Variants in RYR2 observed in about 807,000 individuals in gnomAD.
The protein encoded by RYR2 is cardiac muscle ryanodine receptor-calcium release channel.
RYR2 carries 227 observed loss-of-function variants against 601.1 expected under a neutral mutation model. The ratio of observed to expected loss-of-function variants is 0.38; its 90% confidence interval spans 0.34 to 0.42. RYR2 has a LOEUF of 0.42. RYR2 is among the 10% of genes least tolerant of loss of function. The pLI, the probability that RYR2 is intolerant of heterozygous loss-of-function variation, is 1.00. For synonymous variants in RYR2, 2,223 were observed against 2,175.1 expected (o/e 1.02, Z -0.61); for missense variants, 4,646 against 6,156.5 (o/e 0.75, Z 8.21).
At chr1:237,564,415 A>T (rs1209907739) in intron 27 of RYR2, among the ~76,000 whole-genome samples, 1 of 152,038 alleles carries the variant, frequency 6.6e-6, no homozygotes. Context: ...GATTACAGGC[A>T]TATGCCACCA....
At chr1:237,170,232 G>T (rs1677202680) in intron 1 of RYR2, among the ~76,000 whole-genome samples, 1 of 152,194 alleles carries the variant, frequency 6.6e-6, no homozygotes, top group African/African-American at 2.4e-5. Context: ...GTGCCATTTG[G>T]TTTGAGTCAT....
intron 2 of RYR2, among the ~76,000 whole-genome samples, chr1:237,322,001 A>G (rs1695672617): frequency 6.6e-6 from 1 of 152,194 alleles, no homozygotes; most frequent in African/African-American, 2.4e-5. Flanking sequence ...CTCAAAGTGT[A>G]TGCTTTTATT....
intron 70 of RYR2, among the ~76,000 whole-genome samples, chr1:237,710,199 A>G (rs1688715574): frequency 6.6e-6 from 1 of 152,170 alleles, no homozygotes; most frequent in South Asian, 2.1e-4. Flanking sequence ...TATTTCAGTA[A>G]CTAGCAGAAT....
At position 237,781,656 on chromosome 1, in the gene RYR2, A is replaced by T. The variant is rs1060503854; in HGVS notation, c.11962+10A>T. ...CTGTCCATGTTAGAAGGTAGTTTTGATTTATACTTTTAAATTCTCTTTATT... is the reference window on the plus strand; with the variant it reads ...CTGTCCATGTTAGAAGGTAGTTTTGTTTTATACTTTTAAATTCTCTTTATT... On this transcript the variant is annotated intron_variant, in intron 89 of 104. Coordinates refer to ENST00000366574, the MANE Select transcript of RYR2 (RefSeq NM_001035.3). 7 of 1,449,438 alleles carry T rather than the reference A, an allele frequency of 4.8e-6. No homozygotes were observed. The highest frequency in any genetic ancestry group is 9.6e-7 in the Non-Finnish European group (1 of 1,045,024). 89.8% of individuals were successfully genotyped at this position (1,449,438 alleles called of 1,614,324 possible). A position where few individuals can be genotyped will look rare whatever the true frequency, so the allele number is the denominator to read the frequency against.
intron 1 of RYR2, among the ~76,000 whole-genome samples, chr1:237,173,260 T>G (rs2148914970): frequency 6.6e-6 from 1 of 152,250 alleles, no homozygotes; most frequent in South Asian, 2.1e-4. Flanking sequence ...CCAGTAGTTG[T>G]GTGTTTTCCT....
chr1:237,551,357 A>T (rs1670374375), intron 27 of RYR2, among the ~76,000 whole-genome samples: 1 of 151,864 alleles, frequency 6.6e-6, no homozygotes, highest in Non-Finnish European at 1.5e-5. Flanking sequence ...GTGAAACCCC[A>T]TTTCTACTAA....
In RYR2 at chr1:237,535,277, A is replaced by T. The variant is rs1313683752; in HGVS notation, c.2906+4767A>T. ...TTAAAAACCTACTAAGCAGGGGAAAAAGACTCTGAAAAGATTGACAAAGGA... is the reference window on the plus strand; with the variant it reads ...TTAAAAACCTACTAAGCAGGGGAAATAGACTCTGAAAAGATTGACAAAGGA... On this transcript the variant is annotated intron_variant, in intron 25 of 104. Transcript: ENST00000366574. Among the ~76,000 whole-genome samples, 8 of 152,122 alleles carry T rather than the reference A, an allele frequency of 5.3e-5. No individual in the cohort carries two copies. In the South Asian group the frequency reaches 1.7e-3, roughly 32 times the overall value.
chr1:237,178,623 A>G (rs1572109777), intron 1 of RYR2, among the ~76,000 whole-genome samples: 1 of 152,248 alleles, frequency 6.6e-6, no homozygotes, highest in East Asian at 1.9e-4. Context: ...GCTGGGCAAC[A>G]TAGTGATACC....
intron 24 of RYR2, among the ~76,000 whole-genome samples, chr1:237,527,234 C>T (rs768242782): frequency 6.6e-6 from 1 of 152,116 alleles, no homozygotes; most frequent in African/African-American, 2.4e-5. Flanking sequence ...AATGTGATGC[C>T]TCTGGATTTG....
At chr1:237,566,315 A>G (rs1265147682) in intron 27 of RYR2, among the ~76,000 whole-genome samples, 1 of 151,874 alleles carries the variant, frequency 6.6e-6, no homozygotes, top group African/African-American at 2.4e-5. Flanking sequence ...GCTGACGGAG[A>G]CTCATTCCCC....
chr1:237,492,019 C>A, intron 18 of RYR2, 95 bp downstream of exon 18: 3 of 670,230 alleles, frequency 4.5e-6, no homozygotes, highest in African/African-American at 1.8e-5. Context: ...TCAAATTTTT[C>A]ATGAGTGTTT....
At chr1:237,391,390 A>G (rs1247861213) in intron 10 of RYR2, among the ~76,000 whole-genome samples, 1 of 152,194 alleles carries the variant, frequency 6.6e-6, no homozygotes, top group Non-Finnish European at 1.5e-5. Flanking sequence ...TATGTAAAAA[A>G]AATTTTTTAC....
At chr1:237,362,637 C>T (rs1330206740) in intron 4 of RYR2, among the ~76,000 whole-genome samples, 2 of 152,108 alleles carry the variant, frequency 1.3e-5, no homozygotes, top group Non-Finnish European at 2.9e-5. Context: ...TTCCCTTAAA[C>T]GATCCCTTTG....
At chr1:237,787,686 A>T (rs991818115) in intron 91 of RYR2, among the ~76,000 whole-genome samples, 9 of 151,470 alleles carry the variant, frequency 5.9e-5, no homozygotes, top group African/African-American at 2.2e-4. Context: ...ATCATTCTTC[A>T]TTTTTTTAAT....
chr1:237,418,334 G>T (rs1367361040), intron 11 of RYR2, among the ~76,000 whole-genome samples: 5 of 152,136 alleles, frequency 3.3e-5, no homozygotes, highest in African/African-American at 9.7e-5. Context: ...GAGCCACCAC[G>T]CTCGGCCTAG....
intron 46 of RYR2, 117 bp from the exon 47 acceptor site, chr1:237,640,780 A>G: frequency 1.3e-6 from 1 of 786,300 alleles, no homozygotes. Context: ...CATATATGAA[A>G]CATATCAGAA....
chr1:237,555,745 A>C (rs909716836), intron 27 of RYR2, among the ~76,000 whole-genome samples: 12 of 152,138 alleles, frequency 7.9e-5, no homozygotes, highest in African/African-American at 2.9e-4. Flanking sequence ...ATAGATAATA[A>C]CTTAATAATA....
At chr1:237,184,177 T>C (rs1161263061) in intron 1 of RYR2, among the ~76,000 whole-genome samples, 1 of 151,796 alleles carries the variant, frequency 6.6e-6, no homozygotes, top group Non-Finnish European at 1.5e-5. Flanking sequence ...CAGCGGGGAG[T>C]TGGGGAAAAG....
At position 237,831,510 on chromosome 1, in the gene RYR2, G is replaced by A; in HGVS notation, c.14757-4G>A. 4 of 1,522,782 alleles carry A rather than the reference G, an allele frequency of 2.6e-6. No homozygotes were observed. The highest frequency in any genetic ancestry group is 2.7e-6 in the Non-Finnish European group (3 of 1,100,284). The allele number at this position is 1,522,782 out of a possible 1,614,324, so 94.3% of individuals were successfully genotyped here. A position where few individuals can be genotyped will look rare whatever the true frequency, so the allele number is the denominator to read the frequency against. On this transcript the variant is annotated splice_polypyrimidine_tract_variant and splice_region_variant and intron_variant, in intron 103 of 104. Transcript: ENST00000366574. ...ATTTCTGATCAGTTTCTCTGTATCT[G>A]TAGGTTTTTTCTGATGTATCTTATA...
Sources: gnomAD v4.1 joint callset for allele counts (sites outside exome capture counted in the v4.1 genomes callset) on GRCh38, gnomAD v4.1.1 for gene constraint, MANE v1.5 for transcripts, NCBI Gene and HGNC (gene_info 2026-07-23, HGNC 2026-07-21) for gene names.